Variants in CAMKMT observed in about 807,000 individuals in gnomAD.
The protein encoded by CAMKMT is CaM KMT.
A neutral mutation model predicts 48.0 loss-of-function variants in CAMKMT; 53 were observed. The ratio of observed to expected loss-of-function variants is 1.10; its 90% confidence interval spans 0.89 to 1.39. The LOEUF (loss-of-function observed/expected upper bound fraction) is 1.39, where lower values mean the gene tolerates loss of function less well. CAMKMT is among the 40% of genes most tolerant of loss of function. The probability of loss-of-function intolerance (pLI) is 0.00; values close to 1 mark genes in which losing one functional copy is unlikely to be tolerated. For missense variants in CAMKMT, 428 were observed against 402.7 expected (o/e 1.06, Z -0.54); for synonymous variants, 165 against 152.3 (o/e 1.08, Z -0.61).
At chr2:44,463,147 A>T (rs895779321) in intron 3 of CAMKMT, among the ~76,000 whole-genome samples, 1 of 152,240 alleles carries the variant, frequency 6.6e-6, no homozygotes, top group East Asian at 1.9e-4. Context: ...ATGTCTTTGC[A>T]GTCCTTTAAG....
In CAMKMT at chr2:44,653,325, A is replaced by G. The variant is rs1674195476; in HGVS notation, c.377-50958A>G. Among the ~76,000 whole-genome samples, 1 of 152,210 alleles carries G rather than the reference A, an allele frequency of 6.6e-6. No individual in the cohort carries two copies. Among genetic ancestry groups the G allele is most frequent in the Non-Finnish European group, 1.5e-5 (1 of 68,038 alleles). On this transcript the variant is annotated intron_variant, in intron 3 of 10. Coordinates refer to ENST00000378494, the MANE Select transcript of CAMKMT (RefSeq NM_024766.5). The surrounding 1 kb of genome is among the most constrained non-coding windows in gnomAD (Gnocchi z 5.2). ...TACTATTCATTGTCATTTCAACCAG[A>G]TAAGTAATAAGAAAGTCACAACACA...
intron 3 of CAMKMT, among the ~76,000 whole-genome samples, chr2:44,600,317 A>G (rs1670911684): frequency 6.6e-6 from 1 of 151,310 alleles, no homozygotes; most frequent in Non-Finnish European, 1.5e-5. Context: ...CCCAGTCTGG[A>G]GTCCAGTGGC....
chr2:44,425,307 ACTAT>A (rs776111407), intron 3 of CAMKMT, among the ~76,000 whole-genome samples: 15 of 152,192 alleles, frequency 9.9e-5, no homozygotes, highest in Non-Finnish European at 2.1e-4. Context: ...TAATGATATG[ACTAT>A]CTAGTGTCTA....
intron 3 of CAMKMT, among the ~76,000 whole-genome samples, chr2:44,487,472 C>A (rs972063207): frequency 2.0e-5 from 3 of 152,018 alleles, no homozygotes; most frequent in Non-Finnish European, 2.9e-5. Context: ...ATATTTCTAC[C>A]ACTGACATGC....
intron 3 of CAMKMT, among the ~76,000 whole-genome samples, chr2:44,678,747 C>T (rs1028706332): frequency 6.6e-6 from 1 of 152,126 alleles, no homozygotes; most frequent in African/African-American, 2.4e-5. Context: ...TCTGAGTGTT[C>T]TTTTCTCCTG....
intron 3 of CAMKMT, among the ~76,000 whole-genome samples, chr2:44,588,713 C>T (rs1429777095): frequency 2.4e-5 from 1 of 42,328 alleles, no homozygotes; most frequent in Non-Finnish European, 4.9e-5. Context: ...ATCAGCCCCC[C>T]GCCTGGCCAG....
rs560330048 is a variant in CAMKMT, at chr2:44,516,844, C to T, written c.376+126539C>T. Reference sequence around the variant, plus strand: ...GCAACACCCGCCTCCTGGTTTCAAGCGATTCTCCTGCCTCAGCCTCCCGAG... The same window carrying T: ...GCAACACCCGCCTCCTGGTTTCAAGTGATTCTCCTGCCTCAGCCTCCCGAG... On this transcript the variant is annotated intron_variant, in intron 3 of 10. Coordinates refer to ENST00000378494, the MANE Select transcript of CAMKMT (RefSeq NM_024766.5). 1.4e-4 allele frequency among the ~76,000 whole-genome samples: 21 copies of T among 150,516 alleles called. 1 individual carries two copies. Among genetic ancestry groups the T allele is most frequent in the African/African-American group, 4.9e-4 (20 of 40,782 alleles).
At chr2:44,436,770 C>T (rs1190846995) in intron 3 of CAMKMT, among the ~76,000 whole-genome samples, 1 of 151,918 alleles carries the variant, frequency 6.6e-6, no homozygotes, top group East Asian at 1.9e-4. Context: ...AACTTATATC[C>T]ATAATAGTGA....
intron 3 of CAMKMT, among the ~76,000 whole-genome samples, chr2:44,528,033 C>G (rs1168230672): frequency 6.6e-6 from 1 of 152,102 alleles, no homozygotes; most frequent in Admixed American, 6.6e-5. Context: ...CTTTTAAAAA[C>G]TACAGAATTA....
At chr2:44,513,107 A>G (rs1670650314) in intron 3 of CAMKMT, among the ~76,000 whole-genome samples, 1 of 152,292 alleles carries the variant, frequency 6.6e-6, no homozygotes, top group East Asian at 1.9e-4. Flanking sequence ...TTTCACATCT[A>G]TGCTAGCTAT....
chr2:44,511,058 C>T (rs1287790892), intron 3 of CAMKMT, among the ~76,000 whole-genome samples: 5 of 152,132 alleles, frequency 3.3e-5, no homozygotes, highest in Non-Finnish European at 5.9e-5. Flanking sequence ...CCAGGTTGGT[C>T]TTGGGCTCCT....
chr2:44,608,455 C>T (rs1671422337), intron 3 of CAMKMT, among the ~76,000 whole-genome samples: 1 of 152,104 alleles, frequency 6.6e-6, no homozygotes, highest in Non-Finnish European at 1.5e-5. Context: ...CACCTATTGA[C>T]ATTTCAATAC....
At position 44,727,817 on chromosome 2, in the gene CAMKMT, AG is replaced by A. The variant is rs1204115277; in HGVS notation, c.623+12467del. ...AGTCTGTTGAGGTTTTTTATCATGA[AG>A]GGATGTTGGAGTTTATCAGAAACTT... On this transcript the variant is annotated intron_variant, in intron 7 of 10. Coordinates refer to ENST00000378494, the MANE Select transcript of CAMKMT (RefSeq NM_024766.5). Among the ~76,000 whole-genome samples, 12 of 152,334 alleles carry A rather than the reference AG, an allele frequency of 7.9e-5. No individual in the cohort carries two copies. In the East Asian group the frequency reaches 1.2e-3, roughly 15 times the overall value.
intron 3 of CAMKMT, among the ~76,000 whole-genome samples, chr2:44,659,999 A>G (rs1366632034): frequency 1.3e-5 from 2 of 152,222 alleles, no homozygotes; most frequent in African/African-American, 4.8e-5. Context: ...ATCTATCAAT[A>G]TTTATTGTAT....
chr2:44,430,272 C>G (rs894053790), intron 3 of CAMKMT, among the ~76,000 whole-genome samples: 3 of 151,854 alleles, frequency 2.0e-5, no homozygotes, highest in Admixed American at 2.0e-4. Flanking sequence ...TTCTTTTTGT[C>G]TCCTTTAGCA....
At chr2:44,374,478 T>C (rs1679483299) in intron 2 of CAMKMT, among the ~76,000 whole-genome samples, 1 of 152,224 alleles carries the variant, frequency 6.6e-6, no homozygotes, top group South Asian at 2.1e-4. Flanking sequence ...CTAAAACTTA[T>C]CTTCTGCATC....
At chr2:44,687,153 A>G (rs1280329693) in intron 3 of CAMKMT, among the ~76,000 whole-genome samples, 5 of 152,216 alleles carry the variant, frequency 3.3e-5, no homozygotes, top group African/African-American at 4.8e-5. Context: ...TCTTAAAGGT[A>G]TGTCTAATGA....
At position 44,704,159 on chromosome 2, in the gene CAMKMT, T is replaced by G. The variant is rs3817338; in HGVS notation, c.377-124T>G. Reference sequence around the variant, plus strand: ...AAAAGACACCCGTGACATGACATATTATAAGTAATAACAATGTTGTTTGAT... The same window carrying G: ...AAAAGACACCCGTGACATGACATATGATAAGTAATAACAATGTTGTTTGAT... On this transcript the variant is annotated intron_variant, in intron 3 of 10. Coordinates refer to ENST00000378494, the MANE Select transcript of CAMKMT (RefSeq NM_024766.5). 1,774 of 530,506 alleles carry G rather than the reference T, an allele frequency of 3.3e-3. 30 individuals carry two copies. In the East Asian group the frequency reaches 0.044, roughly 13 times the overall value. The allele number at this position is 530,506 out of a possible 1,614,324, so 32.9% of individuals were successfully genotyped here.
At chr2:44,638,413 A>C (rs1405760547) in intron 3 of CAMKMT, among the ~76,000 whole-genome samples, 1 of 152,208 alleles carries the variant, frequency 6.6e-6, no homozygotes, top group Non-Finnish European at 1.5e-5. Context: ...TTAAAAACAA[A>C]AGGAAAGAAA....
Sources: gnomAD v4.1 joint callset for allele counts (sites outside exome capture counted in the v4.1 genomes callset) on GRCh38, gnomAD v4.1.1 for gene constraint, Gnocchi (gnomAD v3.1) non-coding constraint, MANE v1.5 for transcripts, NCBI Gene and HGNC (gene_info 2026-07-23, HGNC 2026-07-21) for gene names.